Variants in UPK1B observed in about 807,000 individuals in gnomAD.
UPK1B encodes the protein uroplakin 1B.
Under a neutral mutation model 34.2 loss-of-function variants are expected in UPK1B, and 28 were observed. The observed-to-expected ratio is 0.82, with a 90% CI of 0.61 to 1.12. The LOEUF (loss-of-function observed/expected upper bound fraction) is 1.12, where lower values mean the gene tolerates loss of function less well. UPK1B is among the 50% of genes most tolerant of loss of function. The pLI, the probability that UPK1B is intolerant of heterozygous loss-of-function variation, is 0.00. For missense variants in UPK1B, 325 were observed against 320.9 expected (o/e 1.01, Z -0.10); for synonymous variants, 81 against 110.4 (o/e 0.73, Z 1.67).
chr3:119,185,737 GAATT>G (rs2078014975), intron 1 of UPK1B, among the ~76,000 whole-genome samples: 3 of 152,322 alleles, frequency 2.0e-5, no homozygotes, highest in Middle Eastern at 6.8e-3. Context: ...AGGAATGCAT[GAATT>G]GATTAATTAA....
At chr3:119,202,110 G>T (rs558931692) in intron 7 of UPK1B, among the ~76,000 whole-genome samples, 2 of 152,292 alleles carry the variant, frequency 1.3e-5, no homozygotes, top group East Asian at 3.9e-4. Flanking sequence ...TTGAGGGCCT[G>T]CTATAAACAA....
At chr3:119,175,007 ATTTTCTTTT>A (rs2077948110) in intron 1 of UPK1B, among the ~76,000 whole-genome samples, 15 of 39,726 alleles carry the variant, frequency 3.8e-4, no homozygotes, top group East Asian at 8.3e-4. Flanking sequence ...TTTTTCTTTT[ATTTTCTTTT>A]TTTTTTTTTT....
At chr3:119,182,822 C>T (rs1157384898) in intron 1 of UPK1B, among the ~76,000 whole-genome samples, 1 of 152,202 alleles carries the variant, frequency 6.6e-6, no homozygotes, top group East Asian at 1.9e-4. Context: ...GAAATGCTAA[C>T]CTCTCATTGA....
intron 5 of UPK1B, among the ~76,000 whole-genome samples, chr3:119,193,271 C>A (rs937370739): frequency 1.3e-5 from 2 of 152,170 alleles, no homozygotes; most frequent in Non-Finnish European, 2.9e-5. Context: ...CCATTTTTCC[C>A]AGAATGCAGA....
At chr3:119,178,401 G>C (rs1001953246) in intron 1 of UPK1B, among the ~76,000 whole-genome samples, 1 of 152,112 alleles carries the variant, frequency 6.6e-6, no homozygotes, top group African/African-American at 2.4e-5. Context: ...GGGAATGACC[G>C]AGGGCTCTCC....
chr3:119,188,130 A>G (rs1559902062), intron 3 of UPK1B, among the ~76,000 whole-genome samples, 155 bp downstream of exon 3: 1 of 152,170 alleles, frequency 6.6e-6, no homozygotes, highest in Non-Finnish European at 1.5e-5. Flanking sequence ...GAAATGGTCC[A>G]CATGGAGGCA....
intron 7 of UPK1B, 44 bp from the exon 8 acceptor site, chr3:119,203,873 A>G (rs1304831520): frequency 1.3e-6 from 2 of 1,593,804 alleles, no homozygotes; most frequent in Non-Finnish European, 1.7e-6. Context: ...AGATGTTTCT[A>G]AAACAATCCC....
intron 7 of UPK1B, among the ~76,000 whole-genome samples, chr3:119,201,140 G>A (rs576994936): frequency 2.6e-5 from 4 of 152,186 alleles, no homozygotes; most frequent in Admixed American, 2.6e-4. Flanking sequence ...TACTCCAGGA[G>A]TTTTACTTCC....
chr3:119,200,849 G>C (rs1372211903), intron 7 of UPK1B, among the ~76,000 whole-genome samples: 2 of 152,260 alleles, frequency 1.3e-5, no homozygotes, highest in African/African-American at 4.8e-5. Flanking sequence ...AGTAAAAGTG[G>C]TGTTTCCTTT....
chr3:119,194,359 G>C lies in UPK1B; in HGVS notation c.609G>C (p.Glu203Asp). 1 of 1,613,506 alleles carries C rather than the reference G, an allele frequency of 6.2e-7. No homozygotes were observed. Among genetic ancestry groups the C allele is most frequent in the Non-Finnish European group, 8.5e-7 (1 of 1,179,852 alleles). The change falls in exon 6 of 8, where the codon GAG (glutamate) becomes GAC (aspartate). Residue 203 changes from glutamate (E) to aspartate (D), a missense_variant. By Grantham distance (45) the Glu-to-Asp change is conservative (BLOSUM62 2). Transcript: ENST00000264234. Reference protein sequence around the residue: ...MNNLKEPLNLEACKLGVPGFY... With the variant: ...MNNLKEPLNLDACKLGVPGFY... ...ATCTTAAAGAACCTCTCAACCTGGA[G>C]GCTTGTAAACTAGGCGTGCCTGGTT...
chr3:119,187,856 G>A lies in UPK1B; in HGVS notation c.151G>A (p.Asp51Asn), dbSNP rs768105329. 3.5e-5 allele frequency: 56 copies of A among 1,613,902 alleles called. No individual in the cohort carries two copies. Among genetic ancestry groups the A allele is most frequent in the African/African-American group, 4.0e-5 (3 of 74,872 alleles). ...CCTCTACCCACTGCTTGAAGCCACC[G>A]ACAACGATGACATCTATGGGGCTGC... ...HSLYPLLEAT[D>N]NDDIYGAAWI... The change falls in exon 3 of 8, where the codon GAC (aspartate) becomes AAC (asparagine). Residue 51 changes from aspartate (D) to asparagine (N), a missense_variant. By Grantham distance (23) the Asp-to-Asn change is conservative. Coordinates refer to ENST00000264234, the MANE Select transcript of UPK1B (RefSeq NM_006952.4).
In UPK1B at chr3:119,187,861, C is replaced by T. The variant is rs137980561; in HGVS notation, c.156C>T (p.Asn52=). 381 of 1,614,124 alleles carry T rather than the reference C, an allele frequency of 2.4e-4. 2 individuals are homozygous for T. The African/African-American group carries it at 4.2e-3, about 18-fold the overall frequency. ...ACCCACTGCTTGAAGCCACCGACAA[C>T]GATGACATCTATGGGGCTGCCTGGA... The part of the protein sequence containing the change: ...SLYPLLEATD[N]DDIYGAAWIG... Residue 52 remains asparagine, a synonymous_variant, in exon 3 of 8, where the codon AAC becomes AAT. Coordinates refer to ENST00000264234, the MANE Select transcript of UPK1B (RefSeq NM_006952.4).
At chr3:119,197,610 T>G (rs191423663) in intron 6 of UPK1B, among the ~76,000 whole-genome samples, 156 of 152,376 alleles carry the variant, frequency 1.0e-3, no homozygotes, top group African/African-American at 3.6e-3. Context: ...ATTCTGTAAA[T>G]GTTTATTACG....
chr3:119,178,793 G>T (rs2077971287), intron 1 of UPK1B, among the ~76,000 whole-genome samples: 1 of 152,140 alleles, frequency 6.6e-6, no homozygotes, highest in Admixed American at 6.5e-5. Context: ...TGGAACATCT[G>T]TGTTTTGGAG....
At chr3:119,198,657 A>G (rs1278981370) in intron 6 of UPK1B, among the ~76,000 whole-genome samples, 2 of 152,242 alleles carry the variant, frequency 1.3e-5, no homozygotes, top group East Asian at 3.8e-4. Context: ...AAGCATTTTT[A>G]TTCAAAAACA....
chr3:119,203,861 T>C, intron 7 of UPK1B, 56 bp from the exon 8 acceptor site: 5 of 1,557,670 alleles, frequency 3.2e-6, no homozygotes, highest in Non-Finnish European at 4.4e-6. Context: ...TTTCCAAGAA[T>C]GAGATGTTTC....
In UPK1B at chr3:119,204,067, C is replaced by T. The variant is rs1303863247; in HGVS notation, c.*100C>T. On this transcript the variant is annotated 3_prime_UTR_variant, in exon 8 of 8. Transcript: ENST00000264234. ...ATTCCACGTTTGTGCCCCACACTAA[C>T]GTGTGTGTCTTACATTGCCAAGTCA... 2 of 1,366,566 alleles carry T rather than the reference C, an allele frequency of 1.5e-6. No homozygotes were observed. The highest frequency in any genetic ancestry group is 2.1e-6 in the Non-Finnish European group (2 of 967,822). 84.7% of individuals were successfully genotyped at this position (1,366,566 alleles called of 1,614,324 possible).
Position 119,191,187 on chromosome 3 carries a change from T to C in UPK1B, c.468+83T>C. On this transcript the variant is annotated intron_variant, in intron 5 of 7. Coordinates refer to ENST00000264234, the MANE Select transcript of UPK1B (RefSeq NM_006952.4). ...ATACACATGACTCAGTGGGACCCTA[T>C]ATTTTATTTCAAGCCATGATGATTA... 7 of 1,467,224 alleles carry C rather than the reference T, an allele frequency of 4.8e-6. No homozygotes were observed. The South Asian group carries it at 8.2e-5, about 17-fold the overall frequency. The allele number at this position is 1,467,224 out of a possible 1,614,324, so 90.9% of individuals were successfully genotyped here. A position where few individuals can be genotyped will look rare whatever the true frequency, so the allele number is the denominator to read the frequency against.
chr3:119,191,716 T>C (rs971550792), intron 5 of UPK1B, among the ~76,000 whole-genome samples: 1 of 152,324 alleles, frequency 6.6e-6, no homozygotes, highest in Non-Finnish European at 1.5e-5. Context: ...ATTGGAAATT[T>C]GGCTATCTCC....
Sources: allele counts gnomAD v4.1 joint callset (sites outside exome capture counted in the v4.1 genomes callset), GRCh38; gene constraint gnomAD v4.1.1; transcripts MANE v1.5; gene names NCBI Gene and HGNC (gene_info 2026-07-23, HGNC 2026-07-21).